Variants in FASTKD5 observed in about 807,000 individuals in gnomAD.
FASTKD5 encodes FAST kinase domains 5, also known as non-canonical pre-mRNAs endonuclease FASTKD5, mitochondrial.
A neutral mutation model predicts 44.0 loss-of-function variants in FASTKD5; 30 were observed. The observed-to-expected ratio is 0.68, with a 90% CI of 0.51 to 0.93. FASTKD5 has a LOEUF of 0.93. Ranked by LOEUF, FASTKD5 falls within the 40% of genes least tolerant of loss-of-function variation. FASTKD5 has a pLI of 0.00. For synonymous variants in FASTKD5, 335 were observed against 342.2 expected, an observed-to-expected ratio of 0.98 and a Z score of 0.23; for missense variants, 868 against 908.2, an observed-to-expected ratio of 0.96 and a Z score of 0.57.
At position 3,156,173 on chromosome 20, in the gene FASTKD5, CTTTTTT is replaced by C. The variant is rs761149925; in HGVS notation, c.-191+3587_-191+3592del. Among the ~76,000 whole-genome samples the C allele has an allele frequency of 4.0e-3, 527 of 130,160 alleles. 1 individual carries two copies. Among genetic ancestry groups the C allele is most frequent in the East Asian group, 0.024 (112 of 4,634 alleles). 85.4% of individuals were successfully genotyped at this position (130,160 alleles called of 152,430 possible). A position where few individuals can be genotyped will look rare whatever the true frequency, so the allele number is the denominator to read the frequency against. On this transcript the variant is annotated intron_variant, in intron 1 of 1. Coordinates refer to ENST00000380266, the MANE Select transcript of FASTKD5 (RefSeq NM_021826.5). Reference sequence around the variant, plus strand: ...ATGCTCAGTCAATTAACTTCTGACTCTTTTTTTTTTTTTTTTTTTTGAGACAGAGTC... The same window carrying C: ...ATGCTCAGTCAATTAACTTCTGACTCTTTTTTTTTTTTTTGAGACAGAGTC...
At position 3,149,177 on chromosome 20, in the gene FASTKD5, G is replaced by C; in HGVS notation, c.-107C>G. ...CTTGATTAGAGCTGGACGGGGAGGT[G>C]TTCCACAAAAACTGCCTGGAAATCT... On this transcript the variant is annotated 5_prime_UTR_variant, in exon 2 of 2. Coordinates refer to ENST00000380266, the MANE Select transcript of FASTKD5 (RefSeq NM_021826.5). This position sits in a 1 kb window ranked among gnomAD's most constrained non-coding sequence, Gnocchi z 4.1. 6.2e-6 allele frequency: 8 copies of C among 1,288,604 alleles called. No individual in the cohort carries two copies. Among genetic ancestry groups the C allele is most frequent in the Non-Finnish European group, 8.5e-6 (8 of 942,266 alleles). The allele number at this position is 1,288,604 out of a possible 1,614,324, so 79.8% of individuals were successfully genotyped here. A position where few individuals can be genotyped will look rare whatever the true frequency, so the allele number is the denominator to read the frequency against.
chr20:3,156,725 C>T (rs1001264591), intron 1 of FASTKD5: 6 of 152,234 alleles, frequency 3.9e-5, no homozygotes, highest in African/African-American at 1.4e-4. Flanking sequence ...AGCCGAATAG[C>T]TTCATTTTAA....
rs767375754 is a variant in FASTKD5 at position 3,147,204 on chromosome 20, C to T, written c.1867G>A (p.Val623Ile). 6.2e-7 allele frequency: 1 copy of T among 1,614,178 alleles called. No individual in the cohort carries two copies. The highest frequency in any genetic ancestry group is 8.5e-7 in the Non-Finnish European group (1 of 1,180,044). The change falls in exon 2 of 2, where the codon GTC becomes ATC. Residue 623 changes from valine to isoleucine, a missense_variant. Val to Ile is a conservative substitution (Grantham distance 29, BLOSUM62 3). Coordinates refer to ENST00000380266, the MANE Select transcript of FASTKD5 (RefSeq NM_021826.5). ...VAKLRLEHVG[V>I]SLTDDLMNKL... Reference sequence around the variant, plus strand: ...TTCATCAAATCATCTGTAAGGCTGACTCCCACATGCTCAAGCCTTAATTTG... The same window carrying T: ...TTCATCAAATCATCTGTAAGGCTGATTCCCACATGCTCAAGCCTTAATTTG...
Position 3,148,299 on chromosome 20 carries a change from CT to C in FASTKD5, c.771del (p.Val258TyrfsTer5). On this transcript the variant is annotated frameshift_variant, in exon 2 of 2. Coordinates refer to ENST00000380266, the MANE Select transcript of FASTKD5 (RefSeq NM_021826.5). LOFTEE classifies it high-confidence loss of function. The stretch of plus-strand genomic sequence containing the variant: ...GAAAAAATGTTTAAAAACCTAGGTA[CT>C]TTGCGGCCTAAGTACCTCCAGAGAT... ...VADLWRYLGR[K>X]VPRFLNIFSS... 6.2e-7 allele frequency: 1 copy of C among 1,613,262 alleles called. No homozygotes were observed.
intron 1 of FASTKD5, among the ~76,000 whole-genome samples, chr20:3,156,015 G>A (rs1412568577): frequency 6.6e-6 from 1 of 152,172 alleles, no homozygotes; most frequent in Admixed American, 6.5e-5. Flanking sequence ...AAGAACAGTA[G>A]GGAGAAAAGA....
intron 1 of FASTKD5, among the ~76,000 whole-genome samples, chr20:3,158,326 A>G (rs1271161695): frequency 6.6e-6 from 1 of 152,090 alleles, no homozygotes; most frequent in East Asian, 1.9e-4. Flanking sequence ...GCAAGGCCTT[A>G]TTAGGGACTA....
Position 3,148,104 on chromosome 20 carries a change from A to C in FASTKD5, c.967T>G (p.Leu323Val). The change falls in exon 2 of 2, where the codon TTG (leucine) becomes GTG (valine). Residue 323 changes from leucine to valine, a missense_variant. Leu to Val is a conservative substitution (Grantham distance 32). Coordinates refer to ENST00000380266, the MANE Select transcript of FASTKD5 (RefSeq NM_021826.5). Reference protein sequence around the residue: ...INLEEVGTICLGFFKSSTNLS... With the variant: ...INLEEVGTICVGFFKSSTNLS... ...TTAGTACTTGATTTAAAGAACCCCA[A>C]ACAGATGGTACCAACCTCCTCCAAA... The C allele has an allele frequency of 1.2e-6, 2 of 1,614,086 alleles. No homozygotes were observed. Among genetic ancestry groups the C allele is most frequent in the Non-Finnish European group, 1.7e-6 (2 of 1,180,028 alleles).
chr20:3,148,037 C>G lies in FASTKD5; in HGVS notation c.1034G>C (p.Cys345Ser). The G allele has an allele frequency of 6.2e-7, 1 of 1,614,162 alleles. No individual in the cohort carries two copies. Among genetic ancestry groups the G allele is most frequent in the Non-Finnish European group, 8.5e-7 (1 of 1,180,030 alleles). ...ACTACTCAGATGCTGAATGTTAGCA[C>G]AAGCCAAGTCTCCAATTTTCCGCAT... The part of the protein sequence containing the change: ...FVMRKIGDLA[C>S]ANIQHLSSRS... The change falls in exon 2 of 2, where the codon TGT becomes TCT. Residue 345 changes from cysteine to serine, a missense_variant. Transcript: ENST00000380266.
intron 1 of FASTKD5, among the ~76,000 whole-genome samples, chr20:3,153,639 T>C (rs2066654725): frequency 6.6e-6 from 1 of 152,186 alleles, no homozygotes; most frequent in South Asian, 2.1e-4. Flanking sequence ...CAATCTATGG[T>C]CTTCTAGGAT....
Position 3,146,818 on chromosome 20 carries a change from C to A in FASTKD5, c.2253G>T (p.Lys751Asn), listed in dbSNP as rs1302580594. Residue 751 changes from lysine to asparagine, a missense_variant, in exon 2 of 2, where the codon AAG becomes AAT. By Grantham distance (94) the Lys-to-Asn change is moderately conservative. Transcript: ENST00000380266. ...LPLLKRTRLE[K>N]LAFLHEKVFT... ...ATACTTTCTCATGAAGAAACGCCAA[C>A]TTTTCTAAGCGAGTTCGTTTCAGTA... is the stretch of plus-strand genomic sequence containing the variant. The A allele has an allele frequency of 1.2e-6, 2 of 1,613,968 alleles. No individual in the cohort carries two copies. Among genetic ancestry groups the A allele is most frequent in the Admixed American group, 3.3e-5 (2 of 59,978 alleles).
rs755628500 is a variant in FASTKD5, at chr20:3,148,516, G to C, written c.555C>G (p.Thr185=). Residue 185 remains threonine (T), a synonymous_variant, in exon 2 of 2, where the codon ACC becomes ACG. Transcript: ENST00000380266. ...TCAGCTGGCAGAGCAGAGCAAAGCT[G>C]GTACTGCCCAGCAAGACAGGATGCT... ...AEQHPVLLGS[T]SFALLCQLSV... The C allele has an allele frequency of 1.9e-6, 3 of 1,614,128 alleles. No homozygotes were observed. Among genetic ancestry groups the C allele is most frequent in the South Asian group, 1.1e-5 (1 of 91,088 alleles).
In FASTKD5 at chr20:3,147,504, T is replaced by C; in HGVS notation, c.1567A>G (p.Ile523Val). Residue 523 changes from isoleucine (I) to valine (V), a missense_variant, in exon 2 of 2, where the codon ATT (isoleucine) becomes GTT (valine). Coordinates refer to ENST00000380266, the MANE Select transcript of FASTKD5 (RefSeq NM_021826.5). The part of the protein sequence containing the change: ...ELYTLDGTVG[I>V]ECPDYRGNRL... ...TTGCCTCTGTAATCTGGACACTCAA[T>C]GCCAACTGTACCATCGAGGGTATAT... 6.2e-7 allele frequency: 1 copy of C among 1,614,242 alleles called. No individual in the cohort carries two copies. Among genetic ancestry groups the C allele is most frequent in the Non-Finnish European group, 8.5e-7 (1 of 1,180,046 alleles).
Position 3,147,232 on chromosome 20 carries a change from T to C in FASTKD5, c.1839A>G (p.Val613=), listed in dbSNP as rs758604569. The change falls in exon 2 of 2, where the codon GTA becomes GTG. Residue 613 remains valine (V), a synonymous_variant. Transcript: ENST00000380266. The stretch of plus-strand genomic sequence containing the variant: ...CCACATGCTCAAGCCTTAATTTGGC[T>C]ACATTTTCAGCCGGCGTGGCTTCTC... ...FNREATPAEN[V]AKLRLEHVGV... 8.1e-6 allele frequency: 13 copies of C among 1,614,120 alleles called. No homozygotes were observed. The East Asian group carries it at 8.9e-5, about 11-fold the overall frequency.
At position 3,149,382 on chromosome 20, in the gene FASTKD5, A is replaced by G; in HGVS notation, c.-190-122T>C. On this transcript the variant is annotated intron_variant, in intron 1 of 1. Coordinates refer to ENST00000380266, the MANE Select transcript of FASTKD5 (RefSeq NM_021826.5). The surrounding 1 kb of genome is among the most constrained non-coding windows in gnomAD (Gnocchi z 4.1). Reference sequence around the variant, plus strand: ...ACTCAAATAAGTTCAATGCTAGTAAATGCCCAAACCACATGACAGCATATA... The same window carrying G: ...ACTCAAATAAGTTCAATGCTAGTAAGTGCCCAAACCACATGACAGCATATA... 1 of 333,892 alleles carries G rather than the reference A, an allele frequency of 3.0e-6. No homozygotes were observed. Among genetic ancestry groups the G allele is most frequent in the Non-Finnish European group, 5.5e-6 (1 of 182,784 alleles). 20.7% of individuals were successfully genotyped at this position (333,892 alleles called of 1,614,324 possible). A position where few individuals can be genotyped will look rare whatever the true frequency, so the allele number is the denominator to read the frequency against.
intron 1 of FASTKD5, chr20:3,150,410 T>A (rs2066612676): frequency 6.6e-6 from 1 of 152,164 alleles, no homozygotes; most frequent in Non-Finnish European, 1.5e-5. Context: ...TTCCAGTGAG[T>A]CTTTATTCTG....
intron 1 of FASTKD5, among the ~76,000 whole-genome samples, chr20:3,158,686 A>G (rs536827308): frequency 0.013 from 1,995 of 151,962 alleles, 47 homozygotes; most frequent in African/African-American, 0.046. Context: ...ATATTAGCCA[A>G]GATGGTCTCG....
chr20:3,156,344 T>C (rs1048596293), intron 1 of FASTKD5, among the ~76,000 whole-genome samples: 1 of 151,924 alleles, frequency 6.6e-6, no homozygotes, highest in African/African-American at 2.4e-5. Flanking sequence ...CCCACCTAAT[T>C]TTTTTGTATT....
chr20:3,152,617 G>A (rs1179737184), intron 1 of FASTKD5, among the ~76,000 whole-genome samples: 3 of 152,090 alleles, frequency 2.0e-5, no homozygotes, highest in African/African-American at 4.8e-5. Flanking sequence ...ATTTGAGGAA[G>A]GAGATCCTGG....
intron 1 of FASTKD5, chr20:3,151,630 TAAAATAAAAAATAAATTAAA>T: frequency 6.6e-6 from 1 of 150,544 alleles, no homozygotes; most frequent in African/African-American, 2.4e-5. Flanking sequence ...AAAAATAAAA[TAAAATAAAAAATAAATTAAA>T]AAAATAAAAA....
Sources: allele counts gnomAD v4.1 joint callset (sites outside exome capture counted in the v4.1 genomes callset), GRCh38; gene constraint gnomAD v4.1.1; non-coding constraint Gnocchi (gnomAD v3.1); transcripts MANE v1.5; gene names NCBI Gene and HGNC (gene_info 2026-07-23, HGNC 2026-07-21).